LPIN1: variants seen among roughly 807,000 people sequenced by gnomAD.
LPIN1 encodes the protein phosphatidate phosphatase LPIN1.
A neutral mutation model predicts 107.5 loss-of-function variants in LPIN1; 71 were observed. The ratio of observed to expected loss-of-function variants is 0.66; its 90% CI spans 0.55 to 0.80. LPIN1 has a LOEUF of 0.80. LPIN1 is among the 30% of genes least tolerant of loss of function. LPIN1 has a pLI of 0.00. For missense variants in LPIN1, 1,043 were observed against 1,160.6 expected, an observed-to-expected ratio of 0.90 and a Z score of 1.47; for synonymous variants, 445 against 452.6, an observed-to-expected ratio of 0.98 and a Z score of 0.21.
chr2:11,688,746 G>A (rs1383835363), intron 1 of LPIN1, among the ~76,000 whole-genome samples: 1 of 152,212 alleles, frequency 6.6e-6, no homozygotes. Flanking sequence ...AAATTCTTGA[G>A]TGAATTCTCT....
intron 1 of LPIN1, among the ~76,000 whole-genome samples, chr2:11,760,242 C>T (rs1194478153): frequency 5.9e-5 from 9 of 152,232 alleles, no homozygotes; most frequent in African/African-American, 2.2e-4. Context: ...AGACGATGGG[C>T]GGCCAGGCAG....
intron 1 of LPIN1, among the ~76,000 whole-genome samples, chr2:11,694,167 C>T (rs1449799795): frequency 1.3e-5 from 2 of 151,750 alleles, no homozygotes; most frequent in Non-Finnish European, 1.5e-5. Context: ...TCTGCATGCC[C>T]AATGCCTAGC....
chr2:11,812,070 TCTTTTTGTCTTAAAA>T (rs1227416894), intron 17 of LPIN1, among the ~76,000 whole-genome samples: 1 of 152,268 alleles, frequency 6.6e-6, no homozygotes, highest in African/African-American at 2.4e-5. Context: ...ATTTCTAGAT[TCTTTTTGTCTTAAAA>T]CTTTCTCATT....
At chr2:11,692,154 C>G (rs1662303124) in intron 1 of LPIN1, among the ~76,000 whole-genome samples, 1 of 152,246 alleles carries the variant, frequency 6.6e-6, no homozygotes, top group South Asian at 2.1e-4. Flanking sequence ...ACATACCTTG[C>G]TGTGCATCCT....
In LPIN1 at chr2:11,792,304, G is replaced by A. The variant is rs532461516; in HGVS notation, c.1806+298G>A. ...TCTATAAAAGAAGGGATTCAGCCTG[G>A]GAATTCAGTTTCTTAAGAAATTAAA... is the stretch of plus-strand genomic sequence containing the variant. On this transcript the variant is annotated intron_variant, in intron 13 of 20. Coordinates refer to ENST00000674199, the MANE Select transcript of LPIN1 (RefSeq NM_001349206.2). 9 of 289,868 alleles carry A rather than the reference G, an allele frequency of 3.1e-5. No individual in the cohort carries two copies. The East Asian group carries it at 6.5e-4, about 21-fold the overall frequency. The allele number at this position is 289,868 out of a possible 1,614,324, so 18.0% of individuals were successfully genotyped here. A position where few individuals can be genotyped will look rare whatever the true frequency, so the allele number is the denominator to read the frequency against.
Position 11,820,451 on chromosome 2 carries a change from G to T in LPIN1, c.2558G>T (p.Arg853Ile). The T allele has an allele frequency of 6.2e-7, 1 of 1,613,606 alleles. No homozygotes were observed. Among genetic ancestry groups the T allele is most frequent in the South Asian group, 1.1e-5 (1 of 91,056 alleles). The change falls in exon 20 of 21, where the codon AGA (arginine) becomes ATA (isoleucine). Residue 853 changes from arginine (R) to isoleucine (I), a missense_variant. Transcript: ENST00000674199. ...SYKQVGVSLN[R>I]IFTVNPKGEL... ...AAGCAAGTAGGAGTGTCTTTGAATA[G>T]AATATTTACCGTCAACCCTAAAGGA...
chr2:11,756,524 G>A (rs1173264087), intron 1 of LPIN1, among the ~76,000 whole-genome samples: 1 of 152,094 alleles, frequency 6.6e-6, no homozygotes, highest in East Asian at 1.9e-4. Context: ...GAGTAGCTGG[G>A]ATTACAGGCA....
chr2:11,717,497 C>A (rs960673472), intron 2 of LPIN1, among the ~76,000 whole-genome samples: 1 of 151,724 alleles, frequency 6.6e-6, no homozygotes, highest in South Asian at 2.1e-4. Context: ...CATCCCCCCA[C>A]CCTCCAAACA....
At chr2:11,728,993 C>A (rs1289439265) in intron 1 of LPIN1, among the ~76,000 whole-genome samples, 1 of 152,170 alleles carries the variant, frequency 6.6e-6, no homozygotes, top group African/African-American at 2.4e-5. Flanking sequence ...TGCAGAAGCT[C>A]TTTAGTTTGA....
At chr2:11,779,768 T>A in intron 7 of LPIN1, 123 bp downstream of exon 7, 1 of 1,118,342 alleles carries the variant, frequency 8.9e-7, no homozygotes, top group Non-Finnish European at 1.3e-6. Flanking sequence ...AACCAAAATA[T>A]ATTAAGGGTT....
intron 6 of LPIN1, among the ~76,000 whole-genome samples, chr2:11,777,724 C>T (rs1672898124): frequency 6.6e-6 from 1 of 152,196 alleles, no homozygotes; most frequent in Non-Finnish European, 1.5e-5. Flanking sequence ...TTTGCCGACC[C>T]CTGTTCGGAG....
At chr2:11,804,847 A>G (rs1482338301) in intron 16 of LPIN1, among the ~76,000 whole-genome samples, 1 of 152,054 alleles carries the variant, frequency 6.6e-6, no homozygotes, top group Non-Finnish European at 1.5e-5. Context: ...CTTTGATTGA[A>G]CAAGCCGGTC....
rs1174504981 is a variant in LPIN1 at position 11,707,117 on chromosome 2, T to C, written c.82-6639T>C. Among the ~76,000 whole-genome samples, 1 of 152,142 alleles carries C rather than the reference T, an allele frequency of 6.6e-6. No individual in the cohort carries two copies. The highest frequency in any genetic ancestry group is 2.4e-5 in the African/African-American group (1 of 41,426). On this transcript the variant is annotated intron_variant, in intron 1 of 21. Coordinates refer to the LPIN1 transcript ENST00000449576. The surrounding 1 kb of genome is among the most constrained non-coding windows in gnomAD (Gnocchi z 4.2). ...GGCATTATCACAGGTGCTGGGAGTA[T>C]GGCAGGAGAGAAAGGAAGGTCCTAT...
chr2:11,805,575 C>T (rs1468499497), intron 17 of LPIN1: 6 of 316,170 alleles, frequency 1.9e-5, no homozygotes, highest in Non-Finnish European at 2.5e-5. Context: ...GCAGACCCTG[C>T]GAGCCAACCA....
At chr2:11,762,921 G>A (rs900104094) in intron 1 of LPIN1, 1 of 152,214 alleles carries the variant, frequency 6.6e-6, no homozygotes, top group Non-Finnish European at 1.5e-5. Flanking sequence ...TGTGTCCTGG[G>A]ATAGTTGCCT....
At chr2:11,742,574 A>G (rs1666481810), upstream of LPIN1, among the ~76,000 whole-genome samples, 1 of 152,196 alleles carries the variant, frequency 6.6e-6, no homozygotes. Flanking sequence ...AGCCCACTGT[A>G]ACAGTCCACA....
intron 10 of LPIN1, among the ~76,000 whole-genome samples, chr2:11,785,656 C>T (rs11695081): frequency 0.13 from 19,163 of 152,072 alleles, 1,255 homozygotes; most frequent in Middle Eastern, 0.15. Context: ...CTCCCGCCCC[C>T]TCTCTCACCA....
upstream of LPIN1, among the ~76,000 whole-genome samples, chr2:11,743,608 G>T (rs753463069): frequency 1.7e-4 from 26 of 152,292 alleles, no homozygotes; most frequent in Admixed American, 1.4e-3. This position sits in a 1 kb window ranked among gnomAD's most constrained non-coding sequence, Gnocchi z 4.7. Context: ...TAGACCCCGA[G>T]GAGATGCCCT....
intron 1 of LPIN1, among the ~76,000 whole-genome samples, chr2:11,711,012 C>T (rs1663381001): frequency 6.6e-6 from 1 of 152,186 alleles, no homozygotes; most frequent in Admixed American, 6.5e-5. Context: ...GATATTGCTC[C>T]TCTGGCAGTC....
Sources: gnomAD v4.1 joint callset for allele counts (sites outside exome capture counted in the v4.1 genomes callset) on GRCh38, gnomAD v4.1.1 for gene constraint, Gnocchi (gnomAD v3.1) non-coding constraint, MANE v1.5 for transcripts, NCBI Gene and HGNC (gene_info 2026-07-23, HGNC 2026-07-21) for gene names.